Variants in SMC6 observed in about 807,000 individuals in gnomAD.
The protein encoded by SMC6 is structural maintenance of chromosomes protein 6.
SMC6 carries 79 observed loss-of-function variants against 142.2 expected under a neutral mutation model. The ratio of observed to expected loss-of-function variants is 0.56; its 90% confidence interval spans 0.46 to 0.67. The LOEUF (loss-of-function observed/expected upper bound fraction) is 0.67. Ranked by LOEUF, SMC6 falls within the 30% of genes least tolerant of loss-of-function variation. SMC6 has a pLI of 0.00. For synonymous variants in SMC6, 411 were observed against 412.4 expected (o/e 1.00, Z 0.04); for missense variants, 1,072 against 1,284.0 (o/e 0.83, Z 2.52).
rs1370898684 is a variant in SMC6 at position 17,739,306 on chromosome 2, C to A, written c.239-980G>T. Reference sequence around the variant, plus strand: ...GGAGGCTCATCTGAGACCAGAGAGACCAGCCTGAGCAACAGAGAAACACCT... The same window carrying A: ...GGAGGCTCATCTGAGACCAGAGAGAACAGCCTGAGCAACAGAGAAACACCT... On this transcript the variant is annotated intron_variant, in intron 4 of 27. Coordinates refer to ENST00000448223, the MANE Select transcript of SMC6 (RefSeq NM_001142286.2). Among the ~76,000 whole-genome samples the A allele has an allele frequency of 2.6e-5, 4 of 151,326 alleles. 1 individual carries two copies. Among genetic ancestry groups the A allele is most frequent in the Non-Finnish European group, 5.9e-5 (4 of 67,854 alleles).
Position 17,738,338 on chromosome 2 carries a change from G to A in SMC6, c.239-12C>T, listed in dbSNP as rs768750266. On this transcript the variant is annotated splice_polypyrimidine_tract_variant and intron_variant, in intron 4 of 27. Coordinates refer to ENST00000448223, the MANE Select transcript of SMC6 (RefSeq NM_001142286.2). Reference sequence around the variant, plus strand: ...TGCACTCTTCCCACCTAAAGAAACAGATGTTGAAGAAATCACATTCATTAA... The same window carrying A: ...TGCACTCTTCCCACCTAAAGAAACAAATGTTGAAGAAATCACATTCATTAA... The A allele has an allele frequency of 7.0e-6, 11 of 1,573,846 alleles. No homozygotes were observed. The highest frequency in any genetic ancestry group is 9.5e-6 in the Non-Finnish European group (11 of 1,157,922).
At chr2:17,700,419 T>C in intron 20 of SMC6, 41 bp from the exon 21 acceptor site, 4 of 1,454,406 alleles carry the variant, frequency 2.8e-6, no homozygotes, top group Non-Finnish European at 3.7e-6. Flanking sequence ...ATTAAAATAC[T>C]TTAAGTTTTC....
intron 27 of SMC6, 40 bp downstream of exon 27, chr2:17,666,380 T>C: frequency 7.2e-7 from 1 of 1,384,620 alleles, no homozygotes; most frequent in Non-Finnish European, 1.0e-6. Flanking sequence ...TTCCCCCTTT[T>C]ATATACTTGA....
In SMC6 at chr2:17,670,420, T is replaced by C; in HGVS notation, c.3063+3A>G. 1.9e-6 allele frequency: 3 copies of C among 1,605,970 alleles called. No individual in the cohort carries two copies. The highest frequency in any genetic ancestry group is 2.5e-6 in the Non-Finnish European group (3 of 1,177,208). ...AAAAAGAGAATTTAAAATTTAACAATACCATGTAGACATCAAATTCATCCA... is the reference window on the plus strand; with the variant it reads ...AAAAAGAGAATTTAAAATTTAACAACACCATGTAGACATCAAATTCATCCA... On this transcript the variant is annotated splice_donor_region_variant and intron_variant, in intron 26 of 27. Coordinates refer to ENST00000448223, the MANE Select transcript of SMC6 (RefSeq NM_001142286.2).
chr2:17,716,652 A>G, intron 14 of SMC6, 89 bp downstream of exon 14: 1 of 1,283,624 alleles, frequency 7.8e-7, no homozygotes. Flanking sequence ...TGTAGAAGAA[A>G]CAACCATATT....
At chr2:17,729,095 GA>G (rs1282995319) in intron 7 of SMC6, among the ~76,000 whole-genome samples, 3 of 152,066 alleles carry the variant, frequency 2.0e-5, no homozygotes, top group African/African-American at 7.2e-5. Flanking sequence ...TAAAAATATA[GA>G]GAAATAGGTG....
At position 17,753,051 on chromosome 2, in the gene SMC6, T is replaced by C. The variant is rs1274815761; in HGVS notation, c.-79A>G. 1 of 984,126 alleles carries C rather than the reference T, an allele frequency of 1.0e-6. No homozygotes were observed. The highest frequency in any genetic ancestry group is 1.7e-5 in the African/African-American group (1 of 57,210). 61.0% of individuals were successfully genotyped at this position (984,126 alleles called of 1,614,324 possible). A position where few individuals can be genotyped will look rare whatever the true frequency, so the allele number is the denominator to read the frequency against. On this transcript the variant is annotated 5_prime_UTR_variant, in exon 2 of 28. Transcript: ENST00000448223. ...TTCCGCAATTCCCAATTGGGATTCT[T>C]CTCCGGTTCATTTCTGTAAGAAATG...
At chr2:17,725,193 T>C in intron 9 of SMC6, 64 bp downstream of exon 9, 1 of 1,038,578 alleles carries the variant, frequency 9.6e-7, no homozygotes, top group Non-Finnish European at 1.4e-6. Context: ...TACAATATCA[T>C]TTACTGTAAG....
chr2:17,715,708 C>T (rs1015587695), intron 15 of SMC6, among the ~76,000 whole-genome samples: 27 of 151,970 alleles, frequency 1.8e-4, no homozygotes, highest in Non-Finnish European at 3.7e-4. Flanking sequence ...GCTGCCCAAC[C>T]AAAATAGAAA....
At position 17,731,836 on chromosome 2, in the gene SMC6, T is replaced by C; in HGVS notation, c.386A>G (p.Asp129Gly). 6.2e-7 allele frequency: 1 copy of C among 1,613,846 alleles called. No homozygotes were observed. The highest frequency in any genetic ancestry group is 8.5e-7 in the Non-Finnish European group (1 of 1,179,886). ...ISITLRNRGDDAFKASVYGNS... is the reference protein window; with the variant it reads ...ISITLRNRGDGAFKASVYGNS... ...ACCATACACACTGGCTTTAAAGGCA[T>C]CATCTCCTCTGTTCCTCAATGTTAT... Residue 129 changes from aspartate (D) to glycine (G), a missense_variant, in exon 6 of 28, where the codon GAT becomes GGT. Physicochemically the swap from Asp to Gly is moderately conservative, Grantham distance 94. Around this residue, in one of 3 missense-constraint regions of SMC6, gnomAD observed 994 missense variants for 1,153.2 expected, o/e 0.86. Transcript: ENST00000448223.
rs2103453277 is a variant in SMC6 at position 17,666,446 on chromosome 2, A to G, written c.3135T>C (p.Phe1045=). The part of the protein sequence containing the change: ...KMADSQRFRQ[F]ILLTPQSMSS... ...TCATGCTTTGAGGTGTGAGCAAGAT[A>G]AACTGTCTAAAACGCTGGGAATCTG... Residue 1045 remains phenylalanine (F), a synonymous_variant, in exon 27 of 28, where the codon TTT becomes TTC. Coordinates refer to ENST00000448223, the MANE Select transcript of SMC6 (RefSeq NM_001142286.2). 6.2e-7 allele frequency: 1 copy of G among 1,613,798 alleles called. No homozygotes were observed. Among genetic ancestry groups the G allele is most frequent in the Middle Eastern group, 1.7e-4 (1 of 6,056 alleles).
chr2:17,739,300 G>C (rs6742496), intron 4 of SMC6, among the ~76,000 whole-genome samples: 22,314 of 151,926 alleles, frequency 0.15, 2,097 homozygotes, highest in African/African-American at 0.27. Flanking sequence ...TCTGAGACCA[G>C]AGAGACCAGC....
At chr2:17,695,334 T>C in intron 22 of SMC6, 37 bp from the exon 23 acceptor site, 1 of 1,580,842 alleles carries the variant, frequency 6.3e-7, no homozygotes, top group African/African-American at 1.4e-5. Flanking sequence ...AAAACTCTTC[T>C]TTGATATAAC....
rs1008021778 is a variant in SMC6, at chr2:17,751,373, C to CGGAGGCTGT, written c.-6+1604_-6+1605insACAGCCTCC. Among the ~76,000 whole-genome samples, 9 of 149,966 alleles carry CGGAGGCTGT rather than the reference C, an allele frequency of 6.0e-5. 2 individuals are homozygous for CGGAGGCTGT. In the Middle Eastern group the frequency reaches 0.01, roughly 174 times the overall value. On this transcript the variant is annotated intron_variant, in intron 2 of 27. Coordinates refer to ENST00000448223, the MANE Select transcript of SMC6 (RefSeq NM_001142286.2). ...TGCATGCCTGTAATCCCAGCTACTC[C>CGGAGGCTGT]GGAGGCTGAGGCAGGAGAATCGCTT...
chr2:17,736,536 T>C (rs1670160956), intron 5 of SMC6, among the ~76,000 whole-genome samples: 1 of 152,106 alleles, frequency 6.6e-6, no homozygotes, highest in Non-Finnish European at 1.5e-5. Flanking sequence ...TCTGGCCAAG[T>C]AGACTGGGTG....
chr2:17,716,415 T>A (rs1669086648), intron 14 of SMC6, 151 bp from the exon 15 acceptor site: 1 of 776,612 alleles, frequency 1.3e-6, no homozygotes. Context: ...ATAATTGTGT[T>A]ACCAGAGAAA....
intron 25 of SMC6, among the ~76,000 whole-genome samples, chr2:17,678,012 AT>A (rs1667077236): frequency 6.6e-6 from 1 of 151,828 alleles, no homozygotes; most frequent in Non-Finnish European, 1.5e-5. Flanking sequence ...CTGGCTACAC[AT>A]TTTTTTTAAT....
At chr2:17,737,140 G>T (rs539628731) in intron 5 of SMC6, among the ~76,000 whole-genome samples, 1 of 152,110 alleles carries the variant, frequency 6.6e-6, no homozygotes, top group Non-Finnish European at 1.5e-5. Flanking sequence ...ATAATCTTCT[G>T]TGTATCTTTT....
At chr2:17,743,819 G>A (rs1012682824) in intron 3 of SMC6, among the ~76,000 whole-genome samples, 9 of 152,154 alleles carry the variant, frequency 5.9e-5, no homozygotes, top group East Asian at 3.9e-4. Flanking sequence ...TTTTCAGAAC[G>A]TCATATAGTT....
Sources: gnomAD v4.1 joint callset for allele counts (sites outside exome capture counted in the v4.1 genomes callset) on GRCh38, gnomAD v4.1.1 for gene constraint, gnomAD v4.1.1 regional missense constraint, MANE v1.5 for transcripts, NCBI Gene and HGNC (gene_info 2026-07-23, HGNC 2026-07-21) for gene names.